The following FARS2 variants were observed in gnomAD, a reference collection of about 807,000 sequenced individuals.
FARS2 encodes phenylalanine--tRNA ligase, mitochondrial.
A neutral mutation model predicts 46.4 loss-of-function variants in FARS2; 40 were observed. The ratio of observed to expected loss-of-function variants is 0.86; its 90% CI spans 0.67 to 1.12. The LOEUF is 1.12. Among genes scored for constraint, FARS2 ranks in the 50% most tolerant of loss-of-function variants. The pLI is 0.00. For missense variants in FARS2, 513 were observed against 567.9 expected, an observed-to-expected ratio of 0.90 and a Z score of 0.98; for synonymous variants, 234 against 214.9, an observed-to-expected ratio of 1.09 and a Z score of -0.78.
Position 5,613,271 on chromosome 6 carries a change from G to A in FARS2, c.1168G>A (p.Gly390Arg). ...CTATGACTTAGTCCGAACAATTGGA[G>A]GAGACCTGGTGGAAAAGGTTGATCT... ...DFYDLVRTIG[G>R]DLVEKVDLID... is the part of the protein sequence containing the mutation. Residue 390 changes from glycine (G) to arginine (R), a missense_variant, in exon 6 of 7, where the codon GGA (glycine) becomes AGA (arginine). Coordinates refer to ENST00000274680, the MANE Select transcript of FARS2 (RefSeq NM_006567.5). The A allele has an allele frequency of 1.2e-6, 2 of 1,613,534 alleles. No homozygotes were observed. Among genetic ancestry groups the A allele is most frequent in the Non-Finnish European group, 1.7e-6 (2 of 1,179,738 alleles).
upstream of FARS2, among the ~76,000 whole-genome samples, chr6:5,258,895 C>T (rs1007431481): frequency 3.9e-5 from 6 of 152,112 alleles, no homozygotes; most frequent in African/African-American, 1.2e-4. Flanking sequence ...AATGATTTTC[C>T]TGTTGAGTTT....
chr6:5,449,517 C>G (rs999497743), intron 4 of FARS2, among the ~76,000 whole-genome samples: 1 of 152,048 alleles, frequency 6.6e-6, no homozygotes, highest in African/African-American at 2.4e-5. Context: ...ATTAAATTTA[C>G]TAGAATTCAT....
At chr6:5,494,345 C>T (rs954074257) in intron 4 of FARS2, among the ~76,000 whole-genome samples, 3 of 152,162 alleles carry the variant, frequency 2.0e-5, no homozygotes, top group Non-Finnish European at 4.4e-5. Flanking sequence ...AGGCGGAGAA[C>T]GCTCAGGAGG....
chr6:5,260,941 G>C (rs907722945), upstream of FARS2: 1 of 1,344,366 alleles, frequency 7.4e-7, no homozygotes, highest in Non-Finnish European at 9.5e-7. Flanking sequence ...GGCGGGCGCA[G>C]GCAGGGCTCG....
intron 1 of FARS2, among the ~76,000 whole-genome samples, chr6:5,280,818 G>A (rs938044072): frequency 6.6e-6 from 1 of 151,780 alleles, no homozygotes; most frequent in African/African-American, 2.4e-5. Flanking sequence ...TATACACTGT[G>A]TATAATTCAT....
intron 1 of FARS2, among the ~76,000 whole-genome samples, chr6:5,353,845 C>CAG (rs1757742873): frequency 7.0e-6 from 1 of 143,536 alleles, no homozygotes; most frequent in East Asian, 2.2e-4. Context: ...GTAGGTATTC[C>CAG]AGAGAGCTGT....
At chr6:5,486,085 C>A (rs1000158643) in intron 4 of FARS2, among the ~76,000 whole-genome samples, 1 of 152,208 alleles carries the variant, frequency 6.6e-6, no homozygotes, top group Non-Finnish European at 1.5e-5. Flanking sequence ...AGCATTACCT[C>A]TCTCAAGGAT....
intron 1 of FARS2, among the ~76,000 whole-genome samples, chr6:5,362,430 A>G (rs572228458): frequency 6.6e-6 from 1 of 152,340 alleles, no homozygotes; most frequent in South Asian, 2.1e-4. Context: ...TAAAGGCTGA[A>G]TAATATTCTA....
At chr6:5,261,379 C>G (rs1163713124), upstream of FARS2, 1 of 152,784 alleles carries the variant, frequency 6.5e-6, no homozygotes, top group Non-Finnish European at 1.5e-5. Flanking sequence ...TTCGCCTGAT[C>G]CTGGTCGGCA....
intron 6 of FARS2, among the ~76,000 whole-genome samples, chr6:5,636,182 G>A (rs1347657224): frequency 6.6e-6 from 1 of 152,146 alleles, no homozygotes; most frequent in Non-Finnish European, 1.5e-5. Context: ...TATAACACTG[G>A]TTATTGCTAA....
chr6:5,638,791 C>T (rs945112470), intron 6 of FARS2, among the ~76,000 whole-genome samples: 4 of 152,134 alleles, frequency 2.6e-5, no homozygotes, highest in Admixed American at 6.5e-5. Context: ...TTTCCTCGCG[C>T]GAGAGAATCT....
At chr6:5,360,146 A>G (rs192719696) in intron 1 of FARS2, among the ~76,000 whole-genome samples, 1 of 152,224 alleles carries the variant, frequency 6.6e-6, no homozygotes. Flanking sequence ...TCTCCCAGGC[A>G]TTTCATGTTA....
At chr6:5,552,201 T>C (rs1449468063) in intron 5 of FARS2, among the ~76,000 whole-genome samples, 1 of 152,220 alleles carries the variant, frequency 6.6e-6, no homozygotes, top group Non-Finnish European at 1.5e-5. Flanking sequence ...CATATTTACA[T>C]ATATAAGAGG....
At chr6:5,282,100 A>G (rs982422805) in intron 1 of FARS2, among the ~76,000 whole-genome samples, 1 of 152,238 alleles carries the variant, frequency 6.6e-6, no homozygotes, top group Non-Finnish European at 1.5e-5. Flanking sequence ...CTGTGCAACC[A>G]TGCAAAATAA....
At chr6:5,512,142 G>T (rs577864437) in intron 4 of FARS2, among the ~76,000 whole-genome samples, 1 of 152,242 alleles carries the variant, frequency 6.6e-6, no homozygotes, top group East Asian at 1.9e-4. Context: ...TTAGTTCCAA[G>T]AGTCAGAAAC....
chr6:5,364,224 T>A (rs1404770060), intron 1 of FARS2, among the ~76,000 whole-genome samples: 2 of 152,196 alleles, frequency 1.3e-5, no homozygotes, highest in Non-Finnish European at 2.9e-5. Context: ...CATGATCTAG[T>A]ATAATCTTTT....
chr6:5,399,622 G>A (rs1012804221), intron 2 of FARS2, among the ~76,000 whole-genome samples: 1 of 152,062 alleles, frequency 6.6e-6, no homozygotes, highest in African/African-American at 2.4e-5. Flanking sequence ...CCACCTCTGT[G>A]TAGGTGATTT....
intron 5 of FARS2, among the ~76,000 whole-genome samples, chr6:5,597,293 A>G (rs573554921): frequency 6.6e-6 from 1 of 152,208 alleles, no homozygotes; most frequent in East Asian, 1.9e-4. Flanking sequence ...GGAAGGGGAG[A>G]GTGACCTGAC....
intron 5 of FARS2, among the ~76,000 whole-genome samples, chr6:5,581,720 C>CCA (rs1773338914): frequency 6.6e-6 from 1 of 152,116 alleles, no homozygotes; most frequent in Non-Finnish European, 1.5e-5. Flanking sequence ...TCCTGATGTG[C>CCA]TTTTCTAAAT....
Sources: gnomAD v4.1 joint callset for allele counts (sites outside exome capture counted in the v4.1 genomes callset) on GRCh38, gnomAD v4.1.1 for gene constraint, MANE v1.5 for transcripts, NCBI Gene and HGNC (gene_info 2026-07-23, HGNC 2026-07-21) for gene names.